Variants in SDK1 observed in about 807,000 individuals in gnomAD.
SDK1 encodes the protein protein sidekick-1.
Under a neutral mutation model 245.5 loss-of-function variants are expected in SDK1, and 157 were observed. The observed-to-expected ratio is 0.64, with a 90% CI of 0.56 to 0.73. SDK1 has a LOEUF of 0.73. Ranked by LOEUF, SDK1 falls within the 30% of genes least tolerant of loss-of-function variation. SDK1 has a pLI of 0.00. For missense variants in SDK1, 3,583 were observed against 3,002.3 expected, an observed-to-expected ratio of 1.19 and a Z score of -4.52; for synonymous variants, 1,647 against 1,278.5, an observed-to-expected ratio of 1.29 and a Z score of -6.15.
At chr7:3,877,654 C>A (rs994585393) in intron 5 of SDK1, among the ~76,000 whole-genome samples, 1 of 152,238 alleles carries the variant, frequency 6.6e-6, no homozygotes, top group African/African-American at 2.4e-5. Flanking sequence ...GTAATCCTAT[C>A]ACACAGAGTT....
chr7:3,979,883 C>T (rs1783261744), intron 13 of SDK1, among the ~76,000 whole-genome samples: 1 of 152,194 alleles, frequency 6.6e-6, no homozygotes, highest in Non-Finnish European at 1.5e-5. Context: ...CATTTCATCT[C>T]TCCTCCTGAA....
Position 3,301,399 on chromosome 7 carries a change from C to G in SDK1, c.-188C>G, listed in dbSNP as rs1017689313. On this transcript the variant is annotated 5_prime_UTR_variant, in exon 1 of 45. Transcript: ENST00000404826. ...GTTGACAACTTCTTCTCGCCCGGCTCGTCCCCGGCCCGCGCCGCGCCCCTC... is the reference window on the plus strand; with the variant it reads ...GTTGACAACTTCTTCTCGCCCGGCTGGTCCCCGGCCCGCGCCGCGCCCCTC... 3 of 148,470 alleles carry G rather than the reference C, an allele frequency of 2.0e-5. No homozygotes were observed. The highest frequency in any genetic ancestry group is 7.3e-5 in the African/African-American group (3 of 40,834). 9.2% of individuals were successfully genotyped at this position (148,470 alleles called of 1,614,324 possible). A position where few individuals can be genotyped will look rare whatever the true frequency, so the allele number is the denominator to read the frequency against.
chr7:3,407,207 C>G (rs1045162019), intron 1 of SDK1, among the ~76,000 whole-genome samples: 10 of 152,342 alleles, frequency 6.6e-5, no homozygotes, highest in African/African-American at 2.4e-4. Flanking sequence ...CTATTCAGCA[C>G]TTTCTGGAAC....
chr7:3,631,058 A>C (rs1313222344), intron 2 of SDK1, among the ~76,000 whole-genome samples: 1 of 151,984 alleles, frequency 6.6e-6, no homozygotes, highest in African/African-American at 2.4e-5. Context: ...TCAGCCTCCC[A>C]AGTAGCTTGG....
In SDK1 at chr7:4,025,739, T is replaced by G. The variant is rs546799017; in HGVS notation, c.2602+8387T>G. Among the ~76,000 whole-genome samples, 577 of 152,316 alleles carry G rather than the reference T, an allele frequency of 3.8e-3. 6 individuals are homozygous for G. The South Asian group carries it at 0.042, about 11-fold the overall frequency. ...AAACACAGGGCTTATTGTTCCTGTT[T>G]CAACACCCAGTGCTGCACCACTTTA... On this transcript the variant is annotated intron_variant, in intron 17 of 44. Coordinates refer to ENST00000404826, the MANE Select transcript of SDK1 (RefSeq NM_152744.4).
Position 3,321,085 on chromosome 7 carries a change from T to A in SDK1, c.298+19201T>A, listed in dbSNP as rs148459459. ...CTTGCAATCCTAAAATTTTAAGATA[T>A]TTCAGGGCTTATCAACTGAAGGCTC... On this transcript the variant is annotated intron_variant, in intron 1 of 44. Coordinates refer to ENST00000404826, the MANE Select transcript of SDK1 (RefSeq NM_152744.4). Among the ~76,000 whole-genome samples the A allele has an allele frequency of 1.6e-4, 25 of 152,322 alleles. 1 individual carries two copies. The East Asian group carries it at 3.9e-3, about 24-fold the overall frequency.
Position 4,145,758 on chromosome 7 carries a change from C to A in SDK1, c.4265C>A (p.Pro1422His). ...QIAYRLASSSPHTFTTVEVGA... is the reference protein window; with the variant it reads ...QIAYRLASSSHHTFTTVEVGA... ...GCCTACCGCCTGGCCAGCAGCAGCC[C>A]CCACACCTTCACCACCGTGGAGGTC... is the stretch of plus-strand genomic sequence containing the variant. Residue 1422 changes from proline to histidine, a missense_variant, in exon 29 of 45, where the codon CCC becomes CAC. Physicochemically the swap from Pro to His is moderately conservative, Grantham distance 77. Transcript: ENST00000404826. 1 of 1,612,546 alleles carries A rather than the reference C, an allele frequency of 6.2e-7. No individual in the cohort carries two copies. Among genetic ancestry groups the A allele is most frequent in the Non-Finnish European group, 8.5e-7 (1 of 1,179,354 alleles).
At chr7:3,648,444 C>T (rs1345514272) in intron 4 of SDK1, among the ~76,000 whole-genome samples, 2 of 152,192 alleles carry the variant, frequency 1.3e-5, no homozygotes, top group East Asian at 3.8e-4. Flanking sequence ...AACCTTCAGT[C>T]AGCTTTGCAA....
chr7:3,684,556 T>A (rs1206836604), intron 4 of SDK1, among the ~76,000 whole-genome samples: 1 of 152,218 alleles, frequency 6.6e-6, no homozygotes, highest in Non-Finnish European at 1.5e-5. Context: ...AAAGGTCTTA[T>A]TATATCATAC....
chr7:3,341,544 C>T (rs73048617), intron 1 of SDK1, among the ~76,000 whole-genome samples: 15,719 of 152,124 alleles, frequency 0.1, 1,026 homozygotes, highest in African/African-American at 0.18. Context: ...TTACGGATTA[C>T]ATCATTGTTT....
chr7:4,139,591 GTATA>G (rs1236625642), intron 28 of SDK1, among the ~76,000 whole-genome samples: 2 of 70,014 alleles, frequency 2.9e-5, no homozygotes, highest in African/African-American at 4.9e-5. Flanking sequence ...GTATGTGTGT[GTATA>G]TGTATATATG....
In SDK1 at chr7:4,174,314, C is replaced by G; in HGVS notation, c.4893C>G (p.Ala1631=). ...LEYEAGSGTE[A]KTLKNPIALH... The stretch of plus-strand genomic sequence containing the variant: ...ATGAAGCCGGGTCAGGCACTGAGGC[C>G]AAGACGCTCAAAAACCCTATAGCTT... The change falls in exon 33 of 45, where the codon GCC becomes GCG. Residue 1631 remains alanine, a synonymous_variant. Transcript: ENST00000404826. 1 of 1,613,854 alleles carries G rather than the reference C, an allele frequency of 6.2e-7. No homozygotes were observed. The highest frequency in any genetic ancestry group is 1.3e-5 in the African/African-American group (1 of 75,016).
chr7:3,560,707 G>C (rs1260739234), intron 1 of SDK1, among the ~76,000 whole-genome samples: 2 of 152,080 alleles, frequency 1.3e-5, no homozygotes, highest in African/African-American at 4.8e-5. Flanking sequence ...TTTAAACAGA[G>C]TTCAGACCCA....
intron 5 of SDK1, among the ~76,000 whole-genome samples, chr7:3,853,708 T>C (rs1780473144): frequency 6.6e-6 from 1 of 152,086 alleles, no homozygotes; most frequent in South Asian, 2.1e-4. Context: ...CTTTGGATTT[T>C]GGTCTGGCAC....
chr7:3,843,899 A>G (rs182577656), intron 5 of SDK1, among the ~76,000 whole-genome samples: 4 of 152,346 alleles, frequency 2.6e-5, no homozygotes, highest in Non-Finnish European at 5.9e-5. Flanking sequence ...TTATGGTAAT[A>G]TTATGTTGAT....
intron 42 of SDK1, 105 bp from the exon 43 acceptor site, chr7:4,241,688 G>C (rs1020325638): frequency 2.1e-6 from 3 of 1,424,174 alleles, no homozygotes; most frequent in African/African-American, 1.4e-5. Context: ...TGGGCTCTGC[G>C]TGCAGCAGGA....
chr7:4,212,040 T>G (rs2128228656), intron 38 of SDK1, among the ~76,000 whole-genome samples: 1 of 152,348 alleles, frequency 6.6e-6, no homozygotes, highest in South Asian at 2.1e-4. Context: ...CAAGTCCAGC[T>G]GTCTCTGCCT....
chr7:4,107,576 G>A (rs950913505), intron 22 of SDK1, among the ~76,000 whole-genome samples: 9 of 151,936 alleles, frequency 5.9e-5, no homozygotes, highest in Non-Finnish European at 1.2e-4. Flanking sequence ...TTCACTAAGA[G>A]GAGCCCACCT....
In SDK1 at chr7:3,977,375, C is replaced by T. The variant is rs538797837; in HGVS notation, c.1994+2830C>T. 2.2e-4 allele frequency among the ~76,000 whole-genome samples: 23 copies of T among 105,784 alleles called. 2 individuals carry two copies. The highest frequency in any genetic ancestry group is 7.3e-4 in the African/African-American group (23 of 31,508). The allele number at this position is 105,784 out of a possible 152,430, so 69.4% of individuals were successfully genotyped here. ...GGGTCCCGGGGCTGAGGCTGCCACA[C>T]AGACGGTCCTCCAGAGAATCACTGG... On this transcript the variant is annotated intron_variant, in intron 13 of 44. Coordinates refer to ENST00000404826, the MANE Select transcript of SDK1 (RefSeq NM_152744.4).
Sources: gnomAD v4.1 joint callset for allele counts (sites outside exome capture counted in the v4.1 genomes callset) on GRCh38, gnomAD v4.1.1 for gene constraint, MANE v1.5 for transcripts, NCBI Gene and HGNC (gene_info 2026-07-23, HGNC 2026-07-21) for gene names.